The following CPEB1 variants were observed in gnomAD, a reference collection of about 807,000 sequenced individuals.
CPEB1 encodes cytoplasmic polyadenylation element-binding protein 1.
In CPEB1, 7 loss-of-function variants were observed where a neutral mutation model predicts 65.8. That is an observed-to-expected ratio of 0.11 (90% CI 0.06 to 0.20). The LOEUF (loss-of-function observed/expected upper bound fraction) is 0.20. Among genes scored for constraint, CPEB1 ranks in the 10% least tolerant of loss-of-function variants. CPEB1 has a pLI of 1.00. For missense variants in CPEB1, 551 were observed against 712.2 expected (o/e 0.77, Z 2.58); for synonymous variants, 262 against 260.0 (o/e 1.01, Z -0.08).
intron 1 of CPEB1, among the ~76,000 whole-genome samples, chr15:82,637,398 G>A (rs2046751036): frequency 6.6e-6 from 1 of 152,028 alleles, no homozygotes; most frequent in Admixed American, 6.6e-5. Flanking sequence ...AGGGCCTCTT[G>A]GTTATACCTG....
At chr15:82,574,970 C>T (rs148967150) in intron 3 of CPEB1, among the ~76,000 whole-genome samples, 1 of 152,144 alleles carries the variant, frequency 6.6e-6, no homozygotes, top group Non-Finnish European at 1.5e-5. Flanking sequence ...AAAACTGACA[C>T]TAGCCTACAG....
At position 82,544,272 on chromosome 15, in the gene CPEB1, G is replaced by GTTT. The variant is rs35946080; in HGVS notation, c.*317_*319dup. ...TACCTCAATACCTTCTGGACACGTA[G>GTTT]TTTTTTTTTTTTTTTTTTTTTTCCC... On this transcript the variant is annotated 3_prime_UTR_variant, in exon 13 of 13. Coordinates refer to ENST00000684509, the MANE Select transcript of CPEB1 (RefSeq NM_001365242.1). 771 of 131,038 alleles carry GTTT rather than the reference G, an allele frequency of 5.9e-3. 9 individuals are homozygous for GTTT. Among genetic ancestry groups the GTTT allele is most frequent in the African/African-American group, 0.016 (508 of 31,286 alleles). The allele number at this position is 131,038 out of a possible 1,614,324, so 8.1% of individuals were successfully genotyped here. A position where few individuals can be genotyped will look rare whatever the true frequency, so the allele number is the denominator to read the frequency against.
rs1407165110 is a variant in CPEB1, at chr15:82,615,875, G to A, written c.271+11318C>T. ...AAGCTCTTGTGATGTGGGCACAGGA[G>A]ACTTAAACAAGGATGTTCACCAAAA... On this transcript the variant is annotated intron_variant, in intron 3 of 12. Coordinates refer to ENST00000684509, the MANE Select transcript of CPEB1 (RefSeq NM_001365242.1). 2.0e-5 allele frequency among the ~76,000 whole-genome samples: 3 copies of A among 151,896 alleles called. No individual in the cohort carries two copies. In the East Asian group the frequency reaches 5.8e-4, roughly 29 times the overall value.
Position 82,628,013 on chromosome 15 carries a change from C to T in CPEB1, c.96+351G>A, listed in dbSNP as rs1314979845. 6 of 578,784 alleles carry T rather than the reference C, an allele frequency of 1.0e-5. No individual in the cohort carries two copies. The South Asian group carries it at 1.4e-4, about 14-fold the overall frequency. 35.9% of individuals were successfully genotyped at this position (578,784 alleles called of 1,614,324 possible). On this transcript the variant is annotated intron_variant, in intron 2 of 12. Coordinates refer to ENST00000684509, the MANE Select transcript of CPEB1 (RefSeq NM_001365242.1). ...AAATACAACATCTCTAAGTCAGCCT[C>T]CAGATCAAGGGGTCATAAAGACCTT...
intron 3 of CPEB1, among the ~76,000 whole-genome samples, chr15:82,587,929 GTTTTT>G (rs1567203539): frequency 6.6e-6 from 1 of 151,772 alleles, no homozygotes; most frequent in Non-Finnish European, 1.5e-5. Flanking sequence ...TTTTGTTTTT[GTTTTT>G]GTTTTGAGAC....
At chr15:82,571,694 T>A in intron 3 of CPEB1, 162 bp from the exon 4 acceptor site, 1 of 1,436,986 alleles carries the variant, frequency 7.0e-7, no homozygotes, top group Non-Finnish European at 9.1e-7. Flanking sequence ...TTGGGGACGC[T>A]GGGGCAAGAG....
intron 4 of CPEB1, among the ~76,000 whole-genome samples, chr15:82,561,838 A>T (rs2038265987): frequency 6.6e-6 from 1 of 152,192 alleles, no homozygotes; most frequent in African/African-American, 2.4e-5. Flanking sequence ...TAAGTAGAAA[A>T]TGGCATGAAA....
intron 4 of CPEB1, 83 bp downstream of exon 4, chr15:82,571,261 C>G: frequency 6.6e-7 from 1 of 1,514,474 alleles, no homozygotes; most frequent in Non-Finnish European, 8.9e-7. Context: ...CAAAGGGGAA[C>G]AGAACAACTG....
At chr15:82,566,158 A>G (rs1469431089) in intron 4 of CPEB1, among the ~76,000 whole-genome samples, 1 of 152,238 alleles carries the variant, frequency 6.6e-6, no homozygotes, top group Non-Finnish European at 1.5e-5. Context: ...TGATGGCAGC[A>G]TTAGCAATGG....
Position 82,555,048 on chromosome 15 carries a change from G to C in CPEB1, c.940+822C>G, listed in dbSNP as rs561121181. Reference sequence around the variant, plus strand: ...ACACTGAAGCCTATGGAAACAAATGGAATGCAGAAACTAACACTAACTTAG... The same window carrying C: ...ACACTGAAGCCTATGGAAACAAATGCAATGCAGAAACTAACACTAACTTAG... On this transcript the variant is annotated intron_variant, in intron 6 of 12. Coordinates refer to ENST00000684509, the MANE Select transcript of CPEB1 (RefSeq NM_001365242.1). 2.0e-3 allele frequency among the ~76,000 whole-genome samples: 311 copies of C among 152,244 alleles called. 1 individual carries two copies. Among genetic ancestry groups the C allele is most frequent in the African/African-American group, 7.3e-3 (305 of 41,498 alleles).
intron 4 of CPEB1, among the ~76,000 whole-genome samples, 175 bp downstream of exon 4, chr15:82,571,169 C>G (rs899122063): frequency 6.6e-6 from 1 of 152,236 alleles, no homozygotes; most frequent in Non-Finnish European, 1.5e-5. Context: ...GTGGAGCCAT[C>G]TGTCCTGCCA....
intron 3 of CPEB1, among the ~76,000 whole-genome samples, chr15:82,617,891 G>A (rs957909093): frequency 6.6e-5 from 10 of 150,748 alleles, no homozygotes; most frequent in Admixed American, 1.3e-4. Context: ...CCGCCACTAC[G>A]CCCGGCTAAT....
intron 4 of CPEB1, among the ~76,000 whole-genome samples, chr15:82,565,239 C>T (rs749583542): frequency 6.6e-6 from 1 of 152,124 alleles, no homozygotes; most frequent in Admixed American, 6.5e-5. Flanking sequence ...TCTGGCCAGG[C>T]AGTTCTCTGA....
rs376890367 is a variant in CPEB1, at chr15:82,566,615, T to C, written c.460+4729A>G. ...ACACAGCCCTTCTCCCCAGTATAAC[T>C]CCCAGTCTTGATCATCAGGCAAGTT... On this transcript the variant is annotated intron_variant, in intron 4 of 12. Transcript: ENST00000684509. 5.9e-5 allele frequency among the ~76,000 whole-genome samples: 9 copies of C among 152,142 alleles called. No individual in the cohort carries two copies. In the South Asian group the frequency reaches 1.9e-3, roughly 32 times the overall value.
At chr15:82,554,442 C>T (rs1033788691) in intron 6 of CPEB1, among the ~76,000 whole-genome samples, 1 of 152,212 alleles carries the variant, frequency 6.6e-6, no homozygotes, top group East Asian at 1.9e-4. Context: ...TATTCTGTTT[C>T]CTTGTCTTGG....
At chr15:82,636,592 T>C (rs181193820) in intron 1 of CPEB1, among the ~76,000 whole-genome samples, 326 of 152,294 alleles carry the variant, frequency 2.1e-3, no homozygotes, top group Admixed American at 4.5e-3. Flanking sequence ...CTCAAGAATA[T>C]TGAAAGCACA....
At chr15:82,582,756 T>C (rs1487308578) in intron 3 of CPEB1, among the ~76,000 whole-genome samples, 1 of 148,846 alleles carries the variant, frequency 6.7e-6, no homozygotes, top group Non-Finnish European at 1.5e-5. Flanking sequence ...TTTTTTTTTT[T>C]TTTGAGACAC....
At chr15:82,629,284 C>G in intron 1 of CPEB1, 1 of 985,116 alleles carries the variant, frequency 1.0e-6, no homozygotes, top group South Asian at 4.7e-5. Context: ...TAATTTGTAT[C>G]TGCAAACACT....
At chr15:82,620,881 C>G (rs993351738) in intron 3 of CPEB1, among the ~76,000 whole-genome samples, 7 of 152,158 alleles carry the variant, frequency 4.6e-5, no homozygotes, top group Non-Finnish European at 8.8e-5. Context: ...TTGGTGTATT[C>G]TTAATTTTTG....
Sources: allele counts gnomAD v4.1 joint callset (sites outside exome capture counted in the v4.1 genomes callset), GRCh38; gene constraint gnomAD v4.1.1; transcripts MANE v1.5; gene names NCBI Gene and HGNC (gene_info 2026-07-23, HGNC 2026-07-21).